ZBTB20: variants seen among roughly 807,000 people sequenced by gnomAD.
The protein encoded by ZBTB20 is zinc finger and BTB domain containing 20, also known as zinc finger and BTB domain-containing protein 20.
ZBTB20 carries 9 observed loss-of-function variants against 56.9 expected under a neutral mutation model. The observed-to-expected ratio is 0.16, with a 90% CI of 0.10 to 0.28. The LOEUF is 0.28. Among genes scored for constraint, ZBTB20 ranks in the 10% least tolerant of loss-of-function variants. The pLI, the probability that ZBTB20 is intolerant of heterozygous loss-of-function variation, is 1.00. For missense variants in ZBTB20, 655 were observed against 1,003.0 expected (o/e 0.65, Z 4.69); for synonymous variants, 417 against 420.7 (o/e 0.99, Z 0.11).
rs992093732 is a variant in ZBTB20, at chr3:114,947,840, T to C, written c.-456+26526A>G. ...ATAAAAAAGTCTTTCCACAAAACTT[T>C]CTGACTCAAATAGTTTCACAGGTAA... On this transcript the variant is annotated intron_variant, in intron 3 of 11. Coordinates refer to ENST00000675478, the MANE Select transcript of ZBTB20 (RefSeq NM_001348800.3). Among the ~76,000 whole-genome samples, 4 of 145,624 alleles carry C rather than the reference T, an allele frequency of 2.7e-5. 1 individual carries two copies. Among genetic ancestry groups the C allele is most frequent in the Non-Finnish European group, 5.9e-5 (4 of 67,756 alleles).
chr3:114,705,485 A>G (rs926479122), intron 5 of ZBTB20, among the ~76,000 whole-genome samples: 2 of 152,194 alleles, frequency 1.3e-5, no homozygotes, highest in African/African-American at 4.8e-5. Context: ...CTGATAATAT[A>G]GAATCAGATT....
intron 5 of ZBTB20, among the ~76,000 whole-genome samples, chr3:114,712,141 A>G (rs1391326037): frequency 6.6e-6 from 1 of 152,208 alleles, no homozygotes; most frequent in Non-Finnish European, 1.5e-5. Flanking sequence ...GCCAGCTAAC[A>G]TATGGATTTC....
intron 1 of ZBTB20, among the ~76,000 whole-genome samples, chr3:115,107,993 G>A (rs901074575): frequency 6.6e-6 from 1 of 152,142 alleles, no homozygotes; most frequent in Admixed American, 6.5e-5. Context: ...TCGGCGGGTG[G>A]GGGGTGAGAG....
intron 3 of ZBTB20, among the ~76,000 whole-genome samples, chr3:114,951,102 A>G (rs889618005): frequency 2.6e-5 from 4 of 152,134 alleles, no homozygotes; most frequent in Non-Finnish European, 5.9e-5. Flanking sequence ...TGCTGCTTAC[A>G]TGAATATGTT....
intron 6 of ZBTB20, among the ~76,000 whole-genome samples, chr3:114,592,932 A>G (rs1433165491): frequency 3.9e-5 from 6 of 152,184 alleles, no homozygotes; most frequent in African/African-American, 9.7e-5. Context: ...ATAAATCAAC[A>G]TTCATTACTT....
chr3:114,862,003 T>C (rs2075557463), intron 4 of ZBTB20, among the ~76,000 whole-genome samples: 1 of 152,214 alleles, frequency 6.6e-6, no homozygotes, highest in Non-Finnish European at 1.5e-5. Context: ...GGGACATGAT[T>C]CTTATTTGTT....
intron 5 of ZBTB20, among the ~76,000 whole-genome samples, chr3:114,767,934 A>G (rs1290825379): frequency 6.6e-6 from 1 of 152,152 alleles, no homozygotes; most frequent in Non-Finnish European, 1.5e-5. Flanking sequence ...GTGGGGAGAA[A>G]GAAAAAGCAT....
intron 1 of ZBTB20, among the ~76,000 whole-genome samples, chr3:115,077,202 A>C (rs915744206): frequency 6.6e-6 from 1 of 152,124 alleles, no homozygotes; most frequent in Non-Finnish European, 1.5e-5. Flanking sequence ...GAAAAAAAAA[A>C]CTAATAATCC....
chr3:114,669,559 A>G (rs1403398817), intron 6 of ZBTB20, among the ~76,000 whole-genome samples: 1 of 151,982 alleles, frequency 6.6e-6, no homozygotes, highest in African/African-American at 2.4e-5. Flanking sequence ...ATATGAAGTC[A>G]TCGACTATGC....
At chr3:114,991,158 C>T (rs2078790944) in intron 2 of ZBTB20, among the ~76,000 whole-genome samples, 2 of 152,086 alleles carry the variant, frequency 1.3e-5, no homozygotes, top group African/African-American at 2.4e-5. Flanking sequence ...CTTTTGAACG[C>T]TTTTGCTCTT....
At chr3:114,938,287 A>G (rs958275569) in intron 3 of ZBTB20, among the ~76,000 whole-genome samples, 4 of 145,856 alleles carry the variant, frequency 2.7e-5, no homozygotes, top group Admixed American at 2.0e-4. Flanking sequence ...ATTAGATCCC[A>G]TTTGTCATTT....
intron 4 of ZBTB20, among the ~76,000 whole-genome samples, chr3:114,833,534 T>C (rs1186841706): frequency 2.0e-5 from 3 of 151,932 alleles, no homozygotes; most frequent in African/African-American, 4.8e-5. Flanking sequence ...TTTTTTTTAT[T>C]GTTTATTTTT....
At chr3:114,404,471 T>C (rs2087113194) in intron 7 of ZBTB20, among the ~76,000 whole-genome samples, 1 of 152,122 alleles carries the variant, frequency 6.6e-6, no homozygotes, top group Non-Finnish European at 1.5e-5. Context: ...TAAGAAAACA[T>C]CCTAACGCCG....
intron 5 of ZBTB20, among the ~76,000 whole-genome samples, chr3:114,771,092 A>G (rs2069159282): frequency 6.6e-6 from 1 of 152,190 alleles, no homozygotes; most frequent in Non-Finnish European, 1.5e-5. Flanking sequence ...GCAATTGCAT[A>G]TTTCTCAGAA....
intron 3 of ZBTB20, among the ~76,000 whole-genome samples, chr3:114,962,139 T>C (rs879810983): frequency 6.6e-6 from 1 of 152,004 alleles, no homozygotes; most frequent in African/African-American, 2.4e-5. Context: ...GCTCCAGGCT[T>C]ACTTTCTAAG....
At chr3:115,017,186 A>G (rs1438194048) in intron 2 of ZBTB20, among the ~76,000 whole-genome samples, 1 of 151,730 alleles carries the variant, frequency 6.6e-6, no homozygotes, top group Non-Finnish European at 1.5e-5. Flanking sequence ...CAGCAGTCTC[A>G]GGATACATAA....
At chr3:115,013,593 T>C (rs2079813789) in intron 2 of ZBTB20, among the ~76,000 whole-genome samples, 1 of 151,770 alleles carries the variant, frequency 6.6e-6, no homozygotes, top group African/African-American at 2.4e-5. Flanking sequence ...TGCTGAATTT[T>C]ACCAAACCTT....
At chr3:114,879,961 A>G (rs973983041) in intron 4 of ZBTB20, among the ~76,000 whole-genome samples, 8 of 152,012 alleles carry the variant, frequency 5.3e-5, no homozygotes, top group Admixed American at 2.0e-4. Flanking sequence ...TCCAAAACTG[A>G]TTTTTTTCCT....
intron 2 of ZBTB20, among the ~76,000 whole-genome samples, chr3:115,070,042 TAA>T (rs1429108643): frequency 1.3e-5 from 2 of 152,136 alleles, no homozygotes; most frequent in Admixed American, 1.3e-4. Flanking sequence ...ATCTGCTATA[TAA>T]AGTTTCATGT....
Sources: allele counts gnomAD v4.1 joint callset (sites outside exome capture counted in the v4.1 genomes callset), GRCh38; gene constraint gnomAD v4.1.1; transcripts MANE v1.5; gene names NCBI Gene and HGNC (gene_info 2026-07-23, HGNC 2026-07-21).